GNS: variants seen among roughly 807,000 people sequenced by gnomAD.
GNS encodes the protein glucosamine (N-acetyl)-6-sulfatase.
GNS carries 40 observed loss-of-function variants against 69.7 expected under a neutral mutation model. The observed-to-expected ratio is 0.57, with a 90% CI of 0.45 to 0.75. The LOEUF is 0.75. GNS is among the 30% of genes least tolerant of loss of function. The pLI, the probability that GNS is intolerant of heterozygous loss-of-function variation, is 0.00. For missense variants in GNS, 565 were observed against 685.5 expected (o/e 0.82, Z 1.96); for synonymous variants, 243 against 251.6 (o/e 0.97, Z 0.32).
At chr12:64,756,685 A>G in intron 1 of GNS, 1 of 1,292,216 alleles carries the variant, frequency 7.7e-7, no homozygotes, top group Non-Finnish European at 1.1e-6. Context: ...GCTCCAAGTA[A>G]GTTCTCAAAT....
rs765412748 is a variant in GNS at position 64,716,731 on chromosome 12, T to C, written c.*10A>G. 9.0e-6 allele frequency: 14 copies of C among 1,561,886 alleles called. No homozygotes were observed. The highest frequency in any genetic ancestry group is 1.7e-5 in the Admixed American group (1 of 59,924). ...TGCAGGGATCCATCTGCAGAGGCTG[T>C]GTGAGGTCGCTACAGAAGATGTTTG... On this transcript the variant is annotated 3_prime_UTR_variant, in exon 14 of 14. Transcript: ENST00000258145.
Position 64,737,067 on chromosome 12 carries a change from C to T in GNS, c.1035G>A (p.Glu345=), listed in dbSNP as rs1197153013. The change falls in exon 9 of 14, where the codon GAG becomes GAA. Residue 345 remains glutamate, a synonymous_variant. Transcript: ENST00000258145. ...SLPIDKRQLY[E]FDIKVPLLVR... The stretch of plus-strand genomic sequence containing the variant: ...CCAACAGTGGAACTTTGATATCAAA[C>T]TCATACAGCTGTCTCTTGTCTATTG... 1.2e-6 allele frequency: 2 copies of T among 1,600,716 alleles called. No homozygotes were observed. Among genetic ancestry groups the T allele is most frequent in the Admixed American group, 3.3e-5 (2 of 60,004 alleles).
At chr12:64,755,556 T>A (rs969100061) in intron 1 of GNS, among the ~76,000 whole-genome samples, 37 of 144,988 alleles carry the variant, frequency 2.6e-4, no homozygotes, top group African/African-American at 9.2e-4. Flanking sequence ...CCAGCCTGGG[T>A]GACAGAGCAA....
chr12:64,721,685 T>C lies in GNS; in HGVS notation c.1329A>G (p.Val443=), dbSNP rs745896040. 7.1e-6 allele frequency: 11 copies of C among 1,549,950 alleles called. No homozygotes were observed. Among genetic ancestry groups the C allele is most frequent in the Non-Finnish European group, 8.9e-6 (10 of 1,121,310 alleles). The stretch of plus-strand genomic sequence containing the variant: ...AGGTATTGTTATAAGCATCTTCACA[T>C]ACACAGTCTGGGAAGCATTGCTGTA... The part of the protein sequence containing the change: ...PGVSQCFPDC[V]CEDAYNNTYA... The change falls in exon 12 of 14, where the codon GTA becomes GTG. Residue 443 remains valine (V), a synonymous_variant. Transcript: ENST00000258145.
intron 13 of GNS, among the ~76,000 whole-genome samples, chr12:64,717,620 C>T (rs1045056651): frequency 6.6e-6 from 1 of 150,932 alleles, no homozygotes; most frequent in Admixed American, 6.6e-5. Flanking sequence ...GCCTTGGTCT[C>T]CCGAAGTGCT....
intron 10 of GNS, among the ~76,000 whole-genome samples, chr12:64,726,892 C>A (rs1869218148): frequency 1.3e-5 from 2 of 150,252 alleles, no homozygotes; most frequent in South Asian, 2.1e-4. Flanking sequence ...CACAAAAAGG[C>A]ATAAATGAAA....
chr12:64,739,421 G>A lies in GNS; in HGVS notation c.954C>T (p.Asn318=). Residue 318 remains asparagine (N), a synonymous_variant, in exon 8 of 14, where the codon AAC becomes AAT. Transcript: ENST00000258145. ...TGTCTGAGGTATAGAAGATGTAAGT[G>A]TTGTTGAGCTCCCCAGTGAACTCCA... ...KRLEFTGELN[N]TYIFYTSDNG... The A allele has an allele frequency of 6.2e-7, 1 of 1,601,916 alleles. No individual in the cohort carries two copies. Among genetic ancestry groups the A allele is most frequent in the Non-Finnish European group, 8.6e-7 (1 of 1,169,006 alleles).
At position 64,732,153 on chromosome 12, in the gene GNS, A is replaced by ATTTTTTTTTTTTTTTT. The variant is rs1210247666; in HGVS notation, c.1099-3097_1099-3096insAAAAAAAAAAAAAAAA. ...AGGCACCTGCCACCACACCTGGCTA[A>ATTTTTTTTTTTTTTTT]TTTTTTTTTTTTGTTGTTTTTTTTT... On this transcript the variant is annotated intron_variant, in intron 9 of 13. Coordinates refer to ENST00000258145, the MANE Select transcript of GNS (RefSeq NM_002076.4). 8.1e-4 allele frequency among the ~76,000 whole-genome samples: 72 copies of ATTTTTTTTTTTTTTTT among 88,746 alleles called. 21 individuals are homozygous for ATTTTTTTTTTTTTTTT. The highest frequency in any genetic ancestry group is 1.0e-3 in the Non-Finnish European group (49 of 48,552). 58.2% of individuals were successfully genotyped at this position (88,746 alleles called of 152,430 possible). A position where few individuals can be genotyped will look rare whatever the true frequency, so the allele number is the denominator to read the frequency against.
At position 64,739,299 on chromosome 12, in the gene GNS, GA is replaced by G; in HGVS notation, c.994+81del. Reference sequence around the variant, plus strand: ...CATGTCCACAGTTATAAAAAGACTAGAACTCCCTCCCAGGGCTCATTGGGTG... The same window carrying G: ...CATGTCCACAGTTATAAAAAGACTAGACTCCCTCCCAGGGCTCATTGGGTG... On this transcript the variant is annotated intron_variant, in intron 8 of 13. Coordinates refer to ENST00000258145, the MANE Select transcript of GNS (RefSeq NM_002076.4). 5 of 830,586 alleles carry G rather than the reference GA, an allele frequency of 6.0e-6. No individual in the cohort carries two copies. The South Asian group carries it at 6.7e-5, about 11-fold the overall frequency. 51.5% of individuals were successfully genotyped at this position (830,586 alleles called of 1,614,324 possible).
intron 13 of GNS, among the ~76,000 whole-genome samples, chr12:64,719,667 T>C (rs1484354991): frequency 6.6e-6 from 1 of 152,164 alleles, no homozygotes; most frequent in Non-Finnish European, 1.5e-5. Context: ...TTGCAAGCTC[T>C]AGGGAACAGG....
chr12:64,741,284 G>T (rs936496274), intron 6 of GNS, among the ~76,000 whole-genome samples: 2 of 151,618 alleles, frequency 1.3e-5, no homozygotes, highest in African/African-American at 4.8e-5. Flanking sequence ...AGAGGCGGAG[G>T]TTGCATTGAG....
At chr12:64,746,652 A>G (rs1333845094) in intron 3 of GNS, among the ~76,000 whole-genome samples, 2 of 152,254 alleles carry the variant, frequency 1.3e-5, no homozygotes, top group African/African-American at 4.8e-5. Context: ...GTTTAATGCC[A>G]TCCACTTAAG....
chr12:64,724,637 C>T (rs1443310000), intron 10 of GNS, among the ~76,000 whole-genome samples: 3 of 152,164 alleles, frequency 2.0e-5, no homozygotes, highest in Non-Finnish European at 4.4e-5. Context: ...GTGGGTGGAT[C>T]ACCTGAGGTC....
At chr12:64,734,123 G>A (rs1449919851) in intron 9 of GNS, among the ~76,000 whole-genome samples, 1 of 152,204 alleles carries the variant, frequency 6.6e-6, no homozygotes, top group Non-Finnish European at 1.5e-5. Flanking sequence ...CTTTGTGCCA[G>A]GGGAAAGCTG....
At chr12:64,719,956 G>A in intron 13 of GNS, 66 bp downstream of exon 13, 3 of 1,056,430 alleles carry the variant, frequency 2.8e-6, no homozygotes, top group Non-Finnish European at 4.5e-6. Flanking sequence ...GGCTCCCTTT[G>A]CCTTCAAGAA....
intron 1 of GNS, chr12:64,756,829 T>G: frequency 2.5e-6 from 2 of 791,878 alleles, no homozygotes; most frequent in East Asian, 2.7e-5. Flanking sequence ...CACTCAATTT[T>G]GGTACCTCTC....
At chr12:64,741,348 C>T (rs1292895791) in intron 6 of GNS, among the ~76,000 whole-genome samples, 1 of 151,780 alleles carries the variant, frequency 6.6e-6, no homozygotes, top group Non-Finnish European at 1.5e-5. Flanking sequence ...TACAGTGGCA[C>T]GATCTCGGCT....
chr12:64,752,090 G>A lies in GNS; in HGVS notation c.252+608C>T, dbSNP rs1015966009. Among the ~76,000 whole-genome samples, 4 of 113,382 alleles carry A rather than the reference G, an allele frequency of 3.5e-5. No homozygotes were observed. In the East Asian group the frequency reaches 1.6e-3, roughly 44 times the overall value. The allele number at this position is 113,382 out of a possible 152,430, so 74.4% of individuals were successfully genotyped here. On this transcript the variant is annotated intron_variant, in intron 2 of 13. Coordinates refer to ENST00000258145, the MANE Select transcript of GNS (RefSeq NM_002076.4). ...TCCCTTTTATAAATGGGGAGGAAGA[G>A]GGCCAGAGAGGTTAAATAGTTTGTC...
In GNS at chr12:64,723,099, G is replaced by C. The variant is rs1425989538; in HGVS notation, c.1215C>G (p.Asn405Lys). The part of the protein sequence containing the change: ...SLLPILRGAS[N>K]LTWRSDVLVE... ...CCAGGACATCTGATCGCCAGGTCAA[G>C]TTACTGGCACCTCTCTAGAAAGAAG... Residue 405 changes from asparagine to lysine, a missense_variant, in exon 11 of 14, where the codon AAC (asparagine) becomes AAG (lysine). Coordinates refer to ENST00000258145, the MANE Select transcript of GNS (RefSeq NM_002076.4). 1 of 1,602,506 alleles carries C rather than the reference G, an allele frequency of 6.2e-7. No homozygotes were observed. Among genetic ancestry groups the C allele is most frequent in the East Asian group, 2.2e-5 (1 of 44,832 alleles).
Sources: gnomAD v4.1 joint callset for allele counts (sites outside exome capture counted in the v4.1 genomes callset) on GRCh38, gnomAD v4.1.1 for gene constraint, MANE v1.5 for transcripts, NCBI Gene and HGNC (gene_info 2026-07-23, HGNC 2026-07-21) for gene names.